KCNT2: variants seen among roughly 807,000 people sequenced by gnomAD.
The protein encoded by KCNT2 is potassium channel subfamily T member 2.
KCNT2 carries 67 observed loss-of-function variants against 153.8 expected under a neutral mutation model. That is an observed-to-expected ratio of 0.44 (90% CI 0.36 to 0.53). The LOEUF is 0.53. Ranked by LOEUF, KCNT2 falls within the 20% of genes least tolerant of loss-of-function variation. The pLI, the probability that KCNT2 is intolerant of heterozygous loss-of-function variation, is 0.00. For missense variants in KCNT2, 975 were observed against 1,354.8 expected (o/e 0.72, Z 4.40); for synonymous variants, 500 against 458.8 (o/e 1.09, Z -1.15).
intron 1 of KCNT2, among the ~76,000 whole-genome samples, chr1:196,509,024 T>C (rs146284553): frequency 6.6e-6 from 1 of 152,080 alleles, no homozygotes. Context: ...ATCCCAACAT[T>C]TTAAGAGGTT....
At chr1:196,417,537 A>G (rs578262534) in intron 12 of KCNT2, among the ~76,000 whole-genome samples, 23 of 151,980 alleles carry the variant, frequency 1.5e-4, no homozygotes, top group African/African-American at 4.8e-4. Context: ...CTCCTTCCAT[A>G]TTTCTAACTA....
chr1:196,477,100 C>A (rs1227963641), intron 5 of KCNT2, among the ~76,000 whole-genome samples: 1 of 151,682 alleles, frequency 6.6e-6, no homozygotes, highest in East Asian at 1.9e-4. Flanking sequence ...TCATTCTTTT[C>A]TTTCTATACT....
chr1:196,444,395 A>G (rs1675509335), intron 8 of KCNT2, among the ~76,000 whole-genome samples: 1 of 151,256 alleles, frequency 6.6e-6, no homozygotes, highest in African/African-American at 2.4e-5. Context: ...TTAAGGCTTA[A>G]CTTTCAAAAA....
intron 22 of KCNT2, among the ~76,000 whole-genome samples, chr1:196,289,354 T>C (rs1457906664): frequency 6.6e-6 from 1 of 152,100 alleles, no homozygotes; most frequent in African/African-American, 2.4e-5. Flanking sequence ...TTTATGTTTT[T>C]AATTTATTAA....
rs529950741 is a variant in KCNT2, at chr1:196,526,493, C to T, written c.96-34152G>A. Among the ~76,000 whole-genome samples, 10 of 150,034 alleles carry T rather than the reference C, an allele frequency of 6.7e-5. No homozygotes were observed. In the South Asian group the frequency reaches 1.0e-3, roughly 16 times the overall value. On this transcript the variant is annotated intron_variant, in intron 1 of 27. Transcript: ENST00000294725. ...TTTTTGAGATGGAGTCTTGCTTTGT[C>T]GCCAGGCTGGAGTGCAGTGGCACGA... is the stretch of plus-strand genomic sequence containing the variant.
intron 13 of KCNT2, among the ~76,000 whole-genome samples, chr1:196,391,172 T>C (rs1454124698): frequency 6.6e-6 from 1 of 151,286 alleles, no homozygotes; most frequent in Non-Finnish European, 1.5e-5. Flanking sequence ...GTGGTATTCT[T>C]GGGAAGTATA....
chr1:196,399,018 A>C (rs1277358276), intron 12 of KCNT2, among the ~76,000 whole-genome samples: 1 of 151,620 alleles, frequency 6.6e-6, no homozygotes, highest in African/African-American at 2.4e-5. Flanking sequence ...GAAATCAAAA[A>C]TGTACATATA....
At chr1:196,457,775 A>G (rs1328935803) in intron 8 of KCNT2, among the ~76,000 whole-genome samples, 1 of 151,974 alleles carries the variant, frequency 6.6e-6, no homozygotes, top group East Asian at 1.9e-4. Context: ...GAAGGAGTCA[A>G]CAGTTAACTT....
intron 1 of KCNT2, among the ~76,000 whole-genome samples, chr1:196,592,659 G>A (rs1663518626): frequency 6.9e-6 from 1 of 145,942 alleles, no homozygotes; most frequent in Admixed American, 6.9e-5. Context: ...ACATATATAT[G>A]TCTATAGACA....
intron 14 of KCNT2, among the ~76,000 whole-genome samples, chr1:196,358,216 T>C (rs1667330843): frequency 6.6e-6 from 1 of 151,806 alleles, no homozygotes; most frequent in Non-Finnish European, 1.5e-5. Context: ...AATATTTCTA[T>C]GAGATTATCT....
chr1:196,604,860 T>C (rs1665140874), intron 1 of KCNT2, among the ~76,000 whole-genome samples: 1 of 152,140 alleles, frequency 6.6e-6, no homozygotes, highest in Non-Finnish European at 1.5e-5. Flanking sequence ...ACATTACATG[T>C]ACATTATGCC....
chr1:196,287,741 T>C (rs935060423), intron 22 of KCNT2, among the ~76,000 whole-genome samples: 1 of 152,070 alleles, frequency 6.6e-6, no homozygotes, highest in Non-Finnish European at 1.5e-5. Flanking sequence ...GTGTAGGGCA[T>C]CAATCATCCT....
At chr1:196,582,834 T>G (rs1662228240) in intron 1 of KCNT2, among the ~76,000 whole-genome samples, 1 of 152,030 alleles carries the variant, frequency 6.6e-6, no homozygotes, top group African/African-American at 2.4e-5. Context: ...CAATAAAGGT[T>G]TGAAAAGCAT....
At chr1:196,379,827 C>T (rs1222966466) in intron 13 of KCNT2, among the ~76,000 whole-genome samples, 2 of 151,998 alleles carry the variant, frequency 1.3e-5, no homozygotes, top group African/African-American at 4.8e-5. Context: ...CCTAACAGGC[C>T]TTATCTCTAA....
At chr1:196,582,337 A>G (rs996389402) in intron 1 of KCNT2, 3 of 152,946 alleles carry the variant, frequency 2.0e-5, no homozygotes, top group African/African-American at 7.2e-5. Flanking sequence ...ATGCTAGTAA[A>G]AAGTAATGTT....
intron 15 of KCNT2, 48 bp from the exon 16 acceptor site, chr1:196,340,618 G>GT: frequency 8.9e-7 from 1 of 1,117,638 alleles, no homozygotes; most frequent in South Asian, 1.6e-5. Context: ...GTAAATTATT[G>GT]TAAGGCTGAG....
chr1:196,331,347 A>G, intron 17 of KCNT2, 86 bp from the exon 18 acceptor site: 2 of 768,718 alleles, frequency 2.6e-6, no homozygotes, highest in African/African-American at 1.7e-5. Flanking sequence ...TGTTTTAATA[A>G]CATTATAATC....
chr1:196,467,683 C>A lies in KCNT2; in HGVS notation c.543+20G>T, dbSNP rs751262055. 1 of 1,436,586 alleles carries A rather than the reference C, an allele frequency of 7.0e-7. No individual in the cohort carries two copies. The highest frequency in any genetic ancestry group is 1.2e-5 in the South Asian group (1 of 81,602). 89.0% of individuals were successfully genotyped at this position (1,436,586 alleles called of 1,614,324 possible). ...TGGTTTAAAAATATTTTCATATTTG[C>A]ACTTTAATTCTATACTTACAATCAT... On this transcript the variant is annotated intron_variant, in intron 7 of 27. Coordinates refer to ENST00000294725, the MANE Select transcript of KCNT2 (RefSeq NM_198503.5).
intron 26 of KCNT2, among the ~76,000 whole-genome samples, chr1:196,252,626 A>G (rs1656077892): frequency 6.6e-6 from 1 of 151,658 alleles, no homozygotes; most frequent in South Asian, 2.1e-4. Flanking sequence ...TCAACAGTAA[A>G]TTATCTTTTA....
Sources: allele counts gnomAD v4.1 joint callset (sites outside exome capture counted in the v4.1 genomes callset), GRCh38; gene constraint gnomAD v4.1.1; transcripts MANE v1.5; gene names NCBI Gene and HGNC (gene_info 2026-07-23, HGNC 2026-07-21).